The following FOXP1 variants were observed in gnomAD, a reference collection of about 807,000 sequenced individuals.
FOXP1 encodes forkhead box P1, also known as forkhead box protein P1.
FOXP1 carries 15 observed loss-of-function variants against 98.2 expected under a neutral mutation model. The observed-to-expected ratio is 0.15, with a 90% CI of 0.10 to 0.24. The LOEUF (loss-of-function observed/expected upper bound fraction) is 0.24, where lower values mean the gene tolerates loss of function less well. FOXP1 is among the 10% of genes least tolerant of loss of function. FOXP1 has a pLI of 1.00. For missense variants in FOXP1, 633 were observed against 848.5 expected (o/e 0.75, Z 3.15); for synonymous variants, 371 against 314.5 (o/e 1.18, Z -1.90).
intron 6 of FOXP1, among the ~76,000 whole-genome samples, chr3:71,146,522 A>G (rs1350585050): frequency 1.3e-5 from 2 of 152,164 alleles, no homozygotes; most frequent in African/African-American, 4.8e-5. Flanking sequence ...AAAAAATAAA[A>G]AATAAAAATC....
intron 3 of FOXP1, among the ~76,000 whole-genome samples, chr3:71,387,382 C>A (rs2080672842): frequency 6.6e-6 from 1 of 152,136 alleles, no homozygotes; most frequent in Non-Finnish European, 1.5e-5. Flanking sequence ...GTAAATATAT[C>A]CCTTTTTCTT....
At chr3:71,330,776 T>C (rs918577558) in intron 4 of FOXP1, among the ~76,000 whole-genome samples, 14 of 152,162 alleles carry the variant, frequency 9.2e-5, no homozygotes, top group Non-Finnish European at 1.5e-4. Flanking sequence ...AAGCCTCAGG[T>C]AGAACTTATA....
Position 70,957,742 on chromosome 3 carries a change from T to C in FOXP1, c.*1505A>G, listed in dbSNP as rs753747301. On this transcript the variant is annotated 3_prime_UTR_variant, in exon 21 of 21. Transcript: ENST00000649528. Reference sequence around the variant, plus strand: ...CCCAGGGCCTACATGATATCTTCTATGAGTTTTTGTGATACTGGGTTGGTG... The same window carrying C: ...CCCAGGGCCTACATGATATCTTCTACGAGTTTTTGTGATACTGGGTTGGTG... The C allele has an allele frequency of 1.3e-4, 31 of 233,614 alleles. No individual in the cohort carries two copies. Among genetic ancestry groups the C allele is most frequent in the Non-Finnish European group, 2.1e-4 (25 of 118,110 alleles). 14.5% of individuals were successfully genotyped at this position (233,614 alleles called of 1,614,324 possible).
rs2032496565 is a variant in FOXP1 at position 70,958,784 on chromosome 3, T to TAATC, written c.*459_*462dup. Reference sequence around the variant, plus strand: ...AAAAAAAAAGGAGTAAAGGCAGTGATAATCAACATGCAGTACTGTGCAAAT... The same window carrying TAATC: ...AAAAAAAAAGGAGTAAAGGCAGTGATAATCAATCAACATGCAGTACTGTGCAAAT... On this transcript the variant is annotated 3_prime_UTR_variant, in exon 21 of 21. Transcript: ENST00000649528. The TAATC allele has an allele frequency of 7.8e-6, 1 of 128,440 alleles. No homozygotes were observed. Among genetic ancestry groups the TAATC allele is most frequent in the Non-Finnish European group, 1.4e-5 (1 of 69,918 alleles). 8.0% of individuals were successfully genotyped at this position (128,440 alleles called of 1,614,324 possible).
chr3:71,096,675 A>G (rs535580905), intron 7 of FOXP1, among the ~76,000 whole-genome samples: 11 of 152,240 alleles, frequency 7.2e-5, no homozygotes, highest in Non-Finnish European at 1.5e-4. Context: ...CTGTAGATCT[A>G]TATAACCAGT....
At chr3:71,129,647 G>C (rs535116189) in intron 6 of FOXP1, among the ~76,000 whole-genome samples, 3 of 152,250 alleles carry the variant, frequency 2.0e-5, no homozygotes, top group Admixed American at 1.3e-4. Flanking sequence ...TCAGGGAAGG[G>C]GGGTGTGGAG....
intron 5 of FOXP1, among the ~76,000 whole-genome samples, chr3:71,238,688 G>A (rs1484767412): frequency 6.6e-6 from 1 of 152,196 alleles, no homozygotes; most frequent in African/African-American, 2.4e-5. Flanking sequence ...GACCACAGCT[G>A]TAGCTCAGTA....
At chr3:71,449,293 A>C (rs984154928) in intron 3 of FOXP1, among the ~76,000 whole-genome samples, 1 of 152,174 alleles carries the variant, frequency 6.6e-6, no homozygotes, top group African/African-American at 2.4e-5. Context: ...GGATCGTCCA[A>C]GTTCAAGATC....
At chr3:71,317,369 T>C (rs1393087885) in intron 4 of FOXP1, among the ~76,000 whole-genome samples, 1 of 152,186 alleles carries the variant, frequency 6.6e-6, no homozygotes, top group Non-Finnish European at 1.5e-5. Flanking sequence ...AATAAATACT[T>C]ATCCACAACC....
chr3:71,462,408 A>G (rs1173983690), intron 3 of FOXP1, among the ~76,000 whole-genome samples: 3 of 152,200 alleles, frequency 2.0e-5, no homozygotes, highest in Non-Finnish European at 4.4e-5. Flanking sequence ...ACTTCAAACA[A>G]CACCTTCCAC....
chr3:71,046,793 G>A, intron 10 of FOXP1, 149 bp downstream of exon 10: 1 of 968,676 alleles, frequency 1.0e-6, no homozygotes, highest in Non-Finnish European at 1.7e-6. Context: ...CTTCTACATG[G>A]GTCCATCATT....
intron 1 of FOXP1, 193 bp from the exon 2 acceptor site, chr3:71,581,890 C>G (rs959106485): frequency 1.5e-5 from 15 of 984,958 alleles, no homozygotes; most frequent in Non-Finnish European, 1.7e-5. Context: ...GATCCAGAGA[C>G]CGGGAAATCG....
intron 2 of FOXP1, among the ~76,000 whole-genome samples, chr3:71,524,897 C>CA (rs1217849722): frequency 6.6e-6 from 1 of 152,176 alleles, no homozygotes; most frequent in Non-Finnish European, 1.5e-5. Context: ...ATTAACAGGT[C>CA]ACCGTGCGGC....
At chr3:71,290,785 T>A (rs965267668) in intron 5 of FOXP1, among the ~76,000 whole-genome samples, 1 of 152,162 alleles carries the variant, frequency 6.6e-6, no homozygotes, top group Non-Finnish European at 1.5e-5. Flanking sequence ...TCAAAGGAAA[T>A]GCTCACAGGA....
At chr3:71,543,949 C>T (rs1161977275) in intron 2 of FOXP1, among the ~76,000 whole-genome samples, 2 of 151,430 alleles carry the variant, frequency 1.3e-5, no homozygotes, top group East Asian at 3.9e-4. Flanking sequence ...CTCTTATTTA[C>T]TATATGCTGT....
intron 3 of FOXP1, among the ~76,000 whole-genome samples, chr3:71,395,092 C>A (rs7613487): frequency 0.02 from 2,006 of 99,324 alleles, 41 homozygotes; most frequent in African/African-American, 0.061. Flanking sequence ...AAGAGTGAAA[C>A]CCCGTCACAA....
chr3:71,128,321 A>C (rs1242563429), intron 6 of FOXP1, among the ~76,000 whole-genome samples: 1 of 151,838 alleles, frequency 6.6e-6, no homozygotes, highest in Non-Finnish European at 1.5e-5. Flanking sequence ...AAAAAAAAAA[A>C]ACGCAAATTT....
At chr3:71,011,569 T>G (rs753990168) in intron 12 of FOXP1, among the ~76,000 whole-genome samples, 32 of 152,320 alleles carry the variant, frequency 2.1e-4, no homozygotes, top group Non-Finnish European at 3.5e-4. Flanking sequence ...GCTGTACCAC[T>G]GGACTTCCTA....
intron 4 of FOXP1, chr3:71,333,490 C>T (rs1190083390): frequency 6.6e-6 from 1 of 152,106 alleles, no homozygotes; most frequent in African/African-American, 2.4e-5. Context: ...TCAAAATGAG[C>T]TAAAAGACAT....
Sources: allele counts gnomAD v4.1 joint callset (sites outside exome capture counted in the v4.1 genomes callset), GRCh38; gene constraint gnomAD v4.1.1; transcripts MANE v1.5; gene names NCBI Gene and HGNC (gene_info 2026-07-23, HGNC 2026-07-21).